PCDH15: variants seen among roughly 807,000 people sequenced by gnomAD.
PCDH15 encodes protocadherin related 15.
A neutral mutation model predicts 178.5 loss-of-function variants in PCDH15; 129 were observed. That is an observed-to-expected ratio of 0.72 (90% CI 0.63 to 0.84). PCDH15 has a LOEUF of 0.84. PCDH15 is among the 40% of genes least tolerant of loss of function. The pLI is 0.00. For synonymous variants in PCDH15, 800 were observed against 732.0 expected (o/e 1.09, Z -1.50); for missense variants, 2,230 against 2,099.9 (o/e 1.06, Z -1.21).
chr10:54,921,159 C>T (rs1216954729), intron 2 of PCDH15, among the ~76,000 whole-genome samples: 1 of 152,132 alleles, frequency 6.6e-6, no homozygotes, highest in African/African-American at 2.4e-5. Flanking sequence ...TAAATTCTTG[C>T]ATCTTACCAA....
intron 15 of PCDH15, among the ~76,000 whole-genome samples, chr10:54,093,706 T>C (rs2094642247): frequency 6.6e-6 from 1 of 152,196 alleles, no homozygotes. Flanking sequence ...CTTGTCTCAT[T>C]TAAACCTAAT....
chr10:54,921,396 C>A (rs1182801100), intron 2 of PCDH15, among the ~76,000 whole-genome samples: 2 of 151,760 alleles, frequency 1.3e-5, no homozygotes, highest in African/African-American at 4.8e-5. Context: ...ACTCATGTCC[C>A]AAGGGTTTGT....
At chr10:54,234,373 A>T (rs2054405382) in intron 9 of PCDH15, among the ~76,000 whole-genome samples, 1 of 152,076 alleles carries the variant, frequency 6.6e-6, no homozygotes, top group Non-Finnish European at 1.5e-5. Flanking sequence ...ACAAAGATCT[A>T]TTTTTGTTAA....
At chr10:54,115,476 C>T (rs1441206573) in intron 15 of PCDH15, among the ~76,000 whole-genome samples, 1 of 152,228 alleles carries the variant, frequency 6.6e-6, no homozygotes, top group Non-Finnish European at 1.5e-5. Flanking sequence ...AAGGCTTCAG[C>T]TATCAGTCCT....
chr10:53,811,653 C>T (rs758512502), intron 35 of PCDH15, 34 bp from the exon 36 acceptor site: 47 of 1,396,318 alleles, frequency 3.4e-5, no homozygotes, highest in South Asian at 1.0e-4. Context: ...CATTTGAAAA[C>T]GAATTCTTAT....
chr10:54,268,223 T>C (rs1215866837), intron 8 of PCDH15, among the ~76,000 whole-genome samples: 2 of 151,994 alleles, frequency 1.3e-5, no homozygotes, highest in East Asian at 3.9e-4. Context: ...TGGCTAACCA[T>C]ATTCAGAAGA....
At chr10:54,967,412 T>C (rs1381186028) in intron 2 of PCDH15, among the ~76,000 whole-genome samples, 1 of 152,168 alleles carries the variant, frequency 6.6e-6, no homozygotes, top group African/African-American at 2.4e-5. Flanking sequence ...CTTGTACTCC[T>C]TTGTAATTCC....
chr10:54,800,342 T>C (rs1952538920), intron 1 of PCDH15, among the ~76,000 whole-genome samples: 1 of 152,192 alleles, frequency 6.6e-6, no homozygotes, highest in Non-Finnish European at 1.5e-5. Flanking sequence ...TTCTAAATGG[T>C]TAATGCTTCC....
In PCDH15 at chr10:55,242,964, A is replaced by G. The variant is rs149639009; in HGVS notation, c.-155-76313T>C. On this transcript the variant is annotated intron_variant, in intron 1 of 5. Coordinates refer to the PCDH15 transcript ENST00000458638. The stretch of plus-strand genomic sequence containing the variant: ...TAATGAAGACTGCTGGGAGAAAATG[A>G]TTTGGAACATTTGGAATAAGTTTTA... 1.1e-3 allele frequency among the ~76,000 whole-genome samples: 168 copies of G among 152,344 alleles called. 2 individuals carry two copies. The highest frequency in any genetic ancestry group is 3.9e-3 in the African/African-American group (161 of 41,588).
At chr10:55,475,577 G>T (rs192966005) in intron 2 of PCDH15, among the ~76,000 whole-genome samples, 217 of 152,162 alleles carry the variant, frequency 1.4e-3, no homozygotes, top group African/African-American at 5.0e-3. Context: ...TTGTAAAATA[G>T]GTTGCAGTTA....
In PCDH15 at chr10:54,614,474, C is replaced by G. The variant is rs74396521; in HGVS notation, c.91+49698G>C. Among the ~76,000 whole-genome samples, 1,295 of 152,054 alleles carry G rather than the reference C, an allele frequency of 8.5e-3. 16 individuals carry two copies. The highest frequency in any genetic ancestry group is 0.03 in the African/African-American group (1,239 of 41,530). On this transcript the variant is annotated intron_variant, in intron 2 of 37. Coordinates refer to ENST00000644397, the MANE Select transcript of PCDH15 (RefSeq NM_001384140.1). ...TAATGGCTTAAAAATTAAAGCTTTT[C>G]AAAGTCAAGTACTTTATCCCTTTGG...
chr10:54,502,818 C>T (rs1565441397), intron 3 of PCDH15, among the ~76,000 whole-genome samples: 1 of 151,868 alleles, frequency 6.6e-6, no homozygotes, highest in African/African-American at 2.4e-5. Context: ...CCACTGTTTC[C>T]TATGTGTTAT....
chr10:54,115,651 T>C (rs1360321025), intron 15 of PCDH15, among the ~76,000 whole-genome samples: 1 of 152,218 alleles, frequency 6.6e-6, no homozygotes, highest in African/African-American at 2.4e-5. Flanking sequence ...TGTAGGCAGC[T>C]GAAAGCTTTA....
intron 2 of PCDH15, chr10:54,600,101 A>C: frequency 9.9e-7 from 1 of 1,008,318 alleles, no homozygotes; most frequent in Non-Finnish European, 1.5e-6. Flanking sequence ...GTAGAGAAAA[A>C]GGAAGAGAAA....
At chr10:54,818,837 AT>A (rs1564536092) in intron 3 of PCDH15, among the ~76,000 whole-genome samples, 1 of 152,042 alleles carries the variant, frequency 6.6e-6, no homozygotes. Flanking sequence ...TAAGCCACTA[AT>A]TTTTTAGATG....
intron 1 of PCDH15, among the ~76,000 whole-genome samples, chr10:54,715,492 T>G (rs2095469797): frequency 6.6e-6 from 1 of 152,224 alleles, no homozygotes; most frequent in Non-Finnish European, 1.5e-5. Context: ...AAAGTGGGAA[T>G]TCACCAGAAT....
chr10:53,822,001 G>T, intron 32 of PCDH15: 1 of 1,613,930 alleles, frequency 6.2e-7, no homozygotes, highest in Non-Finnish European at 8.5e-7. Flanking sequence ...ACATTTGTGC[G>T]TAGATAGTTT....
At chr10:55,076,978 AG>A (rs1841908425) in intron 2 of PCDH15, among the ~76,000 whole-genome samples, 1 of 151,406 alleles carries the variant, frequency 6.6e-6, no homozygotes, top group African/African-American at 2.4e-5. Flanking sequence ...CATGTTGATC[AG>A]GCTGGTCTCA....
intron 2 of PCDH15, among the ~76,000 whole-genome samples, chr10:55,076,921 AC>A (rs1256130723): frequency 1.3e-5 from 2 of 151,654 alleles, no homozygotes; most frequent in Non-Finnish European, 2.9e-5. Context: ...GGCATCTGCC[AC>A]CACGACTGGC....
Sources: allele counts gnomAD v4.1 joint callset (sites outside exome capture counted in the v4.1 genomes callset), GRCh38; gene constraint gnomAD v4.1.1; transcripts MANE v1.5; gene names NCBI Gene and HGNC (gene_info 2026-07-23, HGNC 2026-07-21).